Variants in ADAMTSL1 observed in about 807,000 individuals in gnomAD.
ADAMTSL1 encodes the protein ADAMTS like 1.
A neutral mutation model predicts 201.8 loss-of-function variants in ADAMTSL1; 126 were observed. The observed-to-expected ratio is 0.62, with a 90% confidence interval of 0.54 to 0.72. ADAMTSL1 has a LOEUF of 0.72. Ranked by LOEUF, ADAMTSL1 falls within the 30% of genes least tolerant of loss-of-function variation. The pLI is 0.00. For synonymous variants in ADAMTSL1, 1,121 were observed against 903.4 expected (o/e 1.24, Z -4.32); for missense variants, 2,679 against 2,277.8 (o/e 1.18, Z -3.59).
intron 1 of ADAMTSL1, among the ~76,000 whole-genome samples, chr9:17,963,805 C>G (rs546488810): frequency 7.2e-5 from 11 of 151,982 alleles, no homozygotes; most frequent in Non-Finnish European, 1.5e-4. Flanking sequence ...GAAAGATTCC[C>G]AGGAAGAAAA....
chr9:18,849,682 A>C (rs1826356686), intron 23 of ADAMTSL1, among the ~76,000 whole-genome samples: 1 of 152,200 alleles, frequency 6.6e-6, no homozygotes, highest in Non-Finnish European at 1.5e-5. Context: ...TCAAAGAGAC[A>C]CAAGTCAGCA....
At chr9:18,617,523 G>A (rs1436512196) in intron 4 of ADAMTSL1, among the ~76,000 whole-genome samples, 1 of 151,502 alleles carries the variant, frequency 6.6e-6, no homozygotes, top group Non-Finnish European at 1.5e-5. Flanking sequence ...GCTGGGTCGG[G>A]GGGCAGTTCT....
In ADAMTSL1 at chr9:18,099,355, ATTTTTTTTTTT is replaced by A. The variant is rs397893715; in HGVS notation, c.88-64500_88-64490del. Reference sequence around the variant, plus strand: ...TATATATATATATATATATATATATATTTTTTTTTTTTTTTTTAACATCCATTAATTTTACT... The same window carrying A: ...TATATATATATATATATATATATATATTTTTTAACATCCATTAATTTTACT... On this transcript the variant is annotated intron_variant, in intron 1 of 29. Transcript: ENST00000680146. Among the ~76,000 whole-genome samples, 51 of 45,546 alleles carry A rather than the reference ATTTTTTTTTTT, an allele frequency of 1.1e-3. 2 individuals carry two copies. The highest frequency in any genetic ancestry group is 4.0e-3 in the African/African-American group (49 of 12,328). 29.9% of individuals were successfully genotyped at this position (45,546 alleles called of 152,430 possible).
At chr9:17,961,229 T>G (rs111798099) in intron 1 of ADAMTSL1, among the ~76,000 whole-genome samples, 2 of 152,044 alleles carry the variant, frequency 1.3e-5, no homozygotes, top group Non-Finnish European at 2.9e-5. Context: ...GTACAATAAC[T>G]TTTCATGGAT....
intron 23 of ADAMTSL1, among the ~76,000 whole-genome samples, chr9:18,860,343 A>G (rs2131413068): frequency 6.6e-6 from 1 of 152,312 alleles, no homozygotes; most frequent in African/African-American, 2.4e-5. Flanking sequence ...CCTGAAGGCA[A>G]GTCTAGACCA....
intron 15 of ADAMTSL1, chr9:18,724,021 C>T (rs1318660580): frequency 6.6e-6 from 1 of 152,154 alleles, no homozygotes; most frequent in African/African-American, 2.4e-5. Flanking sequence ...TTCAGCGTTC[C>T]CTGTACATTT....
chr9:18,590,054 G>T (rs1300215755), intron 4 of ADAMTSL1, among the ~76,000 whole-genome samples: 1 of 151,994 alleles, frequency 6.6e-6, no homozygotes, highest in African/African-American at 2.4e-5. Flanking sequence ...GTCTGGTTTT[G>T]GTATTAGGGT....
intron 20 of ADAMTSL1, among the ~76,000 whole-genome samples, chr9:18,797,663 C>T (rs2131060163): frequency 6.6e-6 from 1 of 152,196 alleles, no homozygotes; most frequent in South Asian, 2.1e-4. Context: ...CAGTTATACT[C>T]CTTATTAGCT....
At chr9:18,659,193 G>T (rs957222961) in intron 8 of ADAMTSL1, among the ~76,000 whole-genome samples, 5 of 152,098 alleles carry the variant, frequency 3.3e-5, no homozygotes, top group Non-Finnish European at 4.4e-5. Context: ...AGATATAAAA[G>T]GATAGTACCT....
chr9:18,110,712 C>A (rs963144014), intron 1 of ADAMTSL1, among the ~76,000 whole-genome samples: 1 of 152,224 alleles, frequency 6.6e-6, no homozygotes, highest in Admixed American at 6.5e-5. Context: ...GCCCTTTATG[C>A]CTGCTAGGAA....
At chr9:17,933,215 T>G (rs1362705331) in intron 1 of ADAMTSL1, among the ~76,000 whole-genome samples, 1 of 152,152 alleles carries the variant, frequency 6.6e-6, no homozygotes, top group East Asian at 1.9e-4. Context: ...TTCTGGTAGC[T>G]TTCAGCATTC....
At chr9:18,853,206 A>G (rs941164611) in intron 23 of ADAMTSL1, among the ~76,000 whole-genome samples, 1 of 152,174 alleles carries the variant, frequency 6.6e-6, no homozygotes, top group Non-Finnish European at 1.5e-5. Flanking sequence ...TGAGAATTAG[A>G]CATCTCTCCA....
intron 2 of ADAMTSL1, among the ~76,000 whole-genome samples, chr9:18,333,428 T>C (rs1472290729): frequency 6.6e-6 from 1 of 152,152 alleles, no homozygotes; most frequent in Admixed American, 6.5e-5. Context: ...TGATTGTAAG[T>C]TTCCTGAGGA....
At chr9:18,741,464 C>T (rs1818819757) in intron 15 of ADAMTSL1, among the ~76,000 whole-genome samples, 2 of 152,176 alleles carry the variant, frequency 1.3e-5, no homozygotes, top group African/African-American at 4.8e-5. Context: ...AGGCATTTCA[C>T]TTGTAGAGAA....
chr9:18,544,203 A>C (rs148885151), intron 3 of ADAMTSL1, among the ~76,000 whole-genome samples: 7 of 152,294 alleles, frequency 4.6e-5, no homozygotes, highest in African/African-American at 1.7e-4. Flanking sequence ...GGAAATAACA[A>C]ATTTTAGTTC....
intron 1 of ADAMTSL1, among the ~76,000 whole-genome samples, chr9:17,990,379 C>T (rs187092451): frequency 6.6e-6 from 1 of 152,040 alleles, no homozygotes; most frequent in African/African-American, 2.4e-5. Flanking sequence ...GATGTTTGGA[C>T]TCCTTTCATT....
At chr9:17,977,244 T>G (rs2131450882) in intron 1 of ADAMTSL1, among the ~76,000 whole-genome samples, 1 of 152,218 alleles carries the variant, frequency 6.6e-6, no homozygotes, top group South Asian at 2.1e-4. Context: ...TATTGATGAT[T>G]TTTATGTCTA....
intron 2 of ADAMTSL1, among the ~76,000 whole-genome samples, chr9:18,356,574 A>G (rs187414862): frequency 4.9e-4 from 72 of 145,880 alleles, no homozygotes; most frequent in African/African-American, 1.7e-3. Context: ...CAGCCTAAAA[A>G]ATTTTATGCA....
intron 12 of ADAMTSL1, among the ~76,000 whole-genome samples, chr9:18,684,467 A>G (rs1316272816): frequency 6.6e-6 from 1 of 152,244 alleles, no homozygotes; most frequent in East Asian, 1.9e-4. Flanking sequence ...AACTTTCATA[A>G]TAAAATGACT....
Sources: gnomAD v4.1 joint callset for allele counts (sites outside exome capture counted in the v4.1 genomes callset) on GRCh38, gnomAD v4.1.1 for gene constraint, MANE v1.5 for transcripts, NCBI Gene and HGNC (gene_info 2026-07-23, HGNC 2026-07-21) for gene names.